Variants in NBPF11 observed in about 807,000 individuals in gnomAD.
NBPF11 encodes NBPF member 11.
In NBPF11, 72 loss-of-function variants were observed where a neutral mutation model predicts 93.9. That is an observed-to-expected ratio of 0.77 (90% CI 0.63 to 0.93). NBPF11 has a LOEUF of 0.93. NBPF11 is among the 40% of genes least tolerant of loss of function. NBPF11 has a pLI of 0.00. For synonymous variants in NBPF11, 224 were observed against 304.9 expected, an observed-to-expected ratio of 0.73 and a Z score of 2.76; for missense variants, 705 against 802.2, an observed-to-expected ratio of 0.88 and a Z score of 1.46.
chr1:148,124,967 C>T lies in NBPF11; in HGVS notation c.210G>A (p.Met70Ile). ...YEECKDLIKF[M>I]LRNERQFKEE... ...CCTTGAACTGTCGCTCATTCCTCAG[C>T]ATAAATTTTATGAGGTCTTTACACT... Residue 70 changes from methionine to isoleucine, a missense_variant, in exon 6 of 24, where the codon ATG becomes ATA. Physicochemically the swap from Met to Ile is conservative, Grantham distance 10. This residue lies in a region of NBPF11 where 128 missense variants were observed against 112.8 expected (regional missense o/e 1.14). Transcript: ENST00000682118. The T allele has an allele frequency of 6.2e-7, 1 of 1,607,036 alleles. No individual in the cohort carries two copies. Among genetic ancestry groups the T allele is most frequent in the Non-Finnish European group, 8.5e-7 (1 of 1,177,392 alleles).
intron 12 of NBPF11, among the ~76,000 whole-genome samples, chr1:148,116,876 C>G (rs1394408649): frequency 2.0e-5 from 3 of 146,752 alleles, no homozygotes; most frequent in Admixed American, 7.0e-5. Context: ...TGTCCTGTCA[C>G]AGTTTGCATT....
At chr1:148,124,850 A>T (rs1323920639) in intron 6 of NBPF11, 49 bp downstream of exon 6, 2 of 1,533,642 alleles carry the variant, frequency 1.3e-6, no homozygotes, top group East Asian at 4.7e-5. Context: ...GCTGTACTTC[A>T]GAGATCTACA....
intron 1 of NBPF11, chr1:148,146,556 G>A: frequency 2.5e-6 from 4 of 1,605,324 alleles, no homozygotes; most frequent in Non-Finnish European, 2.5e-6. Context: ...CCCCCTTGGG[G>A]ACCCTGAGAG....
At chr1:148,119,687 G>A (rs1438046247) in intron 10 of NBPF11, among the ~76,000 whole-genome samples, 4 of 151,622 alleles carry the variant, frequency 2.6e-5, no homozygotes, top group Non-Finnish European at 4.4e-5. Flanking sequence ...TAACAGTCTT[G>A]CCCTGTCACC....
chr1:148,108,997 T>C (rs1664574783), intron 17 of NBPF11, among the ~76,000 whole-genome samples: 1 of 151,386 alleles, frequency 6.6e-6, no homozygotes, highest in South Asian at 2.1e-4. Flanking sequence ...ATGAAAAGCA[T>C]GGCCTCAATA....
chr1:148,151,058 G>A (rs1648189649), intron 1 of NBPF11, among the ~76,000 whole-genome samples: 1 of 151,842 alleles, frequency 6.6e-6, no homozygotes. Flanking sequence ...TTCCTCGCTT[G>A]GTTAACTCTT....
At chr1:148,104,052 T>A (rs1662932676) in intron 23 of NBPF11, 140 bp from the exon 24 acceptor site, 1 of 1,562,276 alleles carries the variant, frequency 6.4e-7, no homozygotes, top group South Asian at 1.1e-5. Context: ...AATTATTGCC[T>A]TTATGTTGGG....
intron 15 of NBPF11, among the ~76,000 whole-genome samples, chr1:148,111,883 A>C (rs2149196383): frequency 6.6e-6 from 1 of 151,064 alleles, no homozygotes. Flanking sequence ...CAACATTCAA[A>C]TTCAGGAAAC....
intron 4 of NBPF11, among the ~76,000 whole-genome samples, chr1:148,129,258 T>C (rs1193002801): frequency 6.8e-6 from 1 of 147,474 alleles, no homozygotes; most frequent in Non-Finnish European, 1.5e-5. Flanking sequence ...CGTGTATATA[T>C]ATAATACGTG....
Position 148,116,392 on chromosome 1 carries a change from G to A in NBPF11, c.1379+71C>T. 4 of 659,512 alleles carry A rather than the reference G, an allele frequency of 6.1e-6. No individual in the cohort carries two copies. The South Asian group carries it at 7.1e-5, about 12-fold the overall frequency. 40.9% of individuals were successfully genotyped at this position (659,512 alleles called of 1,614,324 possible). On this transcript the variant is annotated intron_variant, in intron 13 of 23. Transcript: ENST00000682118. ...GGTTTTTGGCCCATCATACATGCCA[G>A]AGAGGGTGTGCCTCCTAGATATTCT...
intron 17 of NBPF11, among the ~76,000 whole-genome samples, chr1:148,108,896 G>A (rs1169411134): frequency 2.5e-5 from 3 of 120,440 alleles, no homozygotes; most frequent in South Asian, 5.3e-4. Flanking sequence ...CACACAGTGT[G>A]AGCTCAGTCA....
At position 148,149,941 on chromosome 1, in the gene NBPF11, G is replaced by A. The variant is rs1158607331; in HGVS notation, c.-549+1809C>T. On this transcript the variant is annotated intron_variant, in intron 1 of 23. Transcript: ENST00000682118. The stretch of plus-strand genomic sequence containing the variant: ...GAGAATAACAAAATAATTTTTAACT[G>A]ACAAGCATCAGCAAGGATGTGGGGT... Among the ~76,000 whole-genome samples the A allele has an allele frequency of 6.4e-3, 966 of 151,902 alleles. 7 individuals are homozygous for A. Among genetic ancestry groups the A allele is most frequent in the Non-Finnish European group, 9.8e-3 (664 of 68,004 alleles).
Position 148,145,084 on chromosome 1 carries a change from CAGAGTA to C in NBPF11, c.-548-1404_-548-1399del, listed in dbSNP as rs1486533493. Among the ~76,000 whole-genome samples, 8 of 143,522 alleles carry C rather than the reference CAGAGTA, an allele frequency of 5.6e-5. 1 individual carries two copies. The highest frequency in any genetic ancestry group is 2.2e-4 in the African/African-American group (8 of 36,814). 94.2% of individuals were successfully genotyped at this position (143,522 alleles called of 152,430 possible). On this transcript the variant is annotated intron_variant, in intron 1 of 23. Coordinates refer to ENST00000682118, the MANE Select transcript of NBPF11 (RefSeq NM_001385469.3). ...TGCCAACACACTTCAGCCTGGGCAA[CAGAGTA>C]AGACCCTGTCTGAAAAAAAAAAATG...
chr1:148,117,050 A>T (rs1212871355), intron 12 of NBPF11, among the ~76,000 whole-genome samples: 5 of 152,028 alleles, frequency 3.3e-5, no homozygotes, highest in Non-Finnish European at 7.3e-5. Flanking sequence ...CCCCCACATC[A>T]AGTGCCTTCT....
chr1:148,126,689 G>C, intron 5 of NBPF11, 140 bp downstream of exon 5: 1 of 653,556 alleles, frequency 1.5e-6, no homozygotes, highest in South Asian at 1.8e-5. Context: ...TGGTACCTCT[G>C]TCTTCCAACT....
At chr1:148,143,149 T>C (rs1467899510) in intron 2 of NBPF11, among the ~76,000 whole-genome samples, 1 of 151,784 alleles carries the variant, frequency 6.6e-6, no homozygotes, top group African/African-American at 2.4e-5. Context: ...GGGATGCAGA[T>C]CTAGCTACCA....
rs1240641463 is a variant in NBPF11, at chr1:148,115,857, G to A, written c.1521C>T (p.Val507=). Residue 507 remains valine, a synonymous_variant, in exon 14 of 24, where the codon GTC becomes GTT. Coordinates refer to ENST00000682118, the MANE Select transcript of NBPF11 (RefSeq NM_001385469.3). ...KTKITFEEDK[V]DSTLIGSSSH... Reference sequence around the variant, plus strand: ...AGGATGAGCCAATGAGAGTTGAGTCGACTTTGTCTTCCTCAAATGTGATTT... The same window carrying A: ...AGGATGAGCCAATGAGAGTTGAGTCAACTTTGTCTTCCTCAAATGTGATTT... 2.6e-5 allele frequency: 41 copies of A among 1,583,412 alleles called. 3 individuals carry two copies. Among genetic ancestry groups the A allele is most frequent in the African/African-American group, 1.7e-4 (12 of 68,794 alleles).
chr1:148,103,435 T>C lies in NBPF11; in HGVS notation c.*461A>G. 1.6e-6 allele frequency: 1 copy of C among 645,040 alleles called. No homozygotes were observed. Among genetic ancestry groups the C allele is most frequent in the Non-Finnish European group, 2.5e-6 (1 of 392,988 alleles). 40.0% of individuals were successfully genotyped at this position (645,040 alleles called of 1,614,324 possible). The stretch of plus-strand genomic sequence containing the variant: ...GGTTCAAATTAAAATGTCCGACTGA[T>C]CACTCCCGGCATGTGCTGCACAGTT... On this transcript the variant is annotated 3_prime_UTR_variant, in exon 24 of 24. Coordinates refer to ENST00000682118, the MANE Select transcript of NBPF11 (RefSeq NM_001385469.3).
chr1:148,129,197 AAAAT>A (rs1453273402), intron 4 of NBPF11, among the ~76,000 whole-genome samples: 3 of 141,134 alleles, frequency 2.1e-5, no homozygotes, highest in East Asian at 2.1e-4. Flanking sequence ...ACGTATATAT[AAAAT>A]ATATATACAC....
Sources: allele counts gnomAD v4.1 joint callset (sites outside exome capture counted in the v4.1 genomes callset), GRCh38; gene constraint gnomAD v4.1.1; regional missense constraint gnomAD v4.1.1; transcripts MANE v1.5; gene names NCBI Gene and HGNC (gene_info 2026-07-23, HGNC 2026-07-21).